HLCS: variants seen among roughly 807,000 people sequenced by gnomAD.
HLCS encodes the protein biotin--protein ligase.
Under a neutral mutation model 75.0 loss-of-function variants are expected in HLCS, and 53 were observed. The observed-to-expected ratio is 0.71, with a 90% CI of 0.57 to 0.89. HLCS has a LOEUF of 0.89. Among genes scored for constraint, HLCS ranks in the 40% least tolerant of loss-of-function variants. The pLI, the probability that HLCS is intolerant of heterozygous loss-of-function variation, is 0.00. For missense variants in HLCS, 966 were observed against 1,074.0 expected (o/e 0.90, Z 1.41); for synonymous variants, 431 against 428.6 (o/e 1.01, Z -0.07).
At chr21:36,787,453 G>T (rs1391447128) in intron 6 of HLCS, among the ~76,000 whole-genome samples, 2 of 152,190 alleles carry the variant, frequency 1.3e-5, no homozygotes, top group African/African-American at 4.8e-5. Context: ...CAATCTCCTT[G>T]TAGATAAAAC....
intron 6 of HLCS, among the ~76,000 whole-genome samples, chr21:36,892,762 C>G (rs888130561): frequency 6.6e-6 from 1 of 152,006 alleles, no homozygotes; most frequent in East Asian, 1.9e-4. Context: ...GAATGGTAGA[C>G]GGAGAAAAAG....
intron 6 of HLCS, among the ~76,000 whole-genome samples, chr21:36,848,297 T>C (rs1277606613): frequency 6.8e-6 from 1 of 146,140 alleles, no homozygotes; most frequent in Non-Finnish European, 1.5e-5. Flanking sequence ...TGAAACAGAG[T>C]CTAGCTCTGT....
At chr21:36,862,720 C>T (rs1427737880) in intron 6 of HLCS, among the ~76,000 whole-genome samples, 1 of 152,174 alleles carries the variant, frequency 6.6e-6, no homozygotes, top group Admixed American at 6.5e-5. Context: ...ACAGTCGGGG[C>T]CTGGGCCACC....
rs372732251 is a variant in HLCS at position 36,949,651 on chromosome 21, G to A, written c.331-10657C>T. Among the ~76,000 whole-genome samples, 288 of 152,296 alleles carry A rather than the reference G, an allele frequency of 1.9e-3. 12 individuals carry two copies. The South Asian group carries it at 0.058, about 31-fold the overall frequency. The stretch of plus-strand genomic sequence containing the variant: ...AAGAATTTGCAGCCATCTTCAATGC[G>A]CTGCAACAAGTTTGTGCCAGCAATT... On this transcript the variant is annotated intron_variant, in intron 2 of 10. Coordinates refer to ENST00000674895, the MANE Select transcript of HLCS (RefSeq NM_001352514.2).
rs537721015 is a variant in HLCS at position 36,758,354 on chromosome 21, C to T, written c.2236+1373G>A. 4.8e-4 allele frequency among the ~76,000 whole-genome samples: 73 copies of T among 152,254 alleles called. 3 individuals are homozygous for T. In the South Asian group the frequency reaches 0.015, roughly 31 times the overall value. ...ATCTCCTGGACTCAAGCAATCCACC[C>T]ACCTCAGGCTCCTGAAGTGCTGGGA... On this transcript the variant is annotated intron_variant, in intron 9 of 10. Coordinates refer to ENST00000674895, the MANE Select transcript of HLCS (RefSeq NM_001352514.2).
chr21:36,910,288 T>C (rs2065642922), intron 5 of HLCS, among the ~76,000 whole-genome samples: 1 of 152,226 alleles, frequency 6.6e-6, no homozygotes, highest in South Asian at 2.1e-4. Context: ...CTAATGCCTG[T>C]AATCCCGGCA....
chr21:36,871,162 G>A (rs1569126912), intron 6 of HLCS, among the ~76,000 whole-genome samples: 1 of 152,130 alleles, frequency 6.6e-6, no homozygotes, highest in South Asian at 2.1e-4. Context: ...TGTGAGAAAT[G>A]AAAACTTTAT....
chr21:36,768,234 T>C (rs2090112127), intron 6 of HLCS, among the ~76,000 whole-genome samples: 1 of 152,206 alleles, frequency 6.6e-6, no homozygotes, highest in Admixed American at 6.5e-5. Context: ...TTTTCTTTCT[T>C]GGAAGGAGGG....
chr21:36,951,127 C>CA (rs1601853002), intron 2 of HLCS, among the ~76,000 whole-genome samples: 1 of 152,202 alleles, frequency 6.6e-6, no homozygotes, highest in East Asian at 1.9e-4. Context: ...ATGTGATAAA[C>CA]AATGTGATTC....
intron 6 of HLCS, among the ~76,000 whole-genome samples, chr21:36,791,133 C>T (rs961848880): frequency 6.6e-6 from 1 of 152,004 alleles, no homozygotes; most frequent in African/African-American, 2.4e-5. Flanking sequence ...CAAAATAAAA[C>T]CTGCTCACCG....
At chr21:36,916,244 C>T (rs1185270150) in intron 5 of HLCS, among the ~76,000 whole-genome samples, 1 of 152,132 alleles carries the variant, frequency 6.6e-6, no homozygotes, top group Non-Finnish European at 1.5e-5. Context: ...GTGACATGAT[C>T]ATCAGTGGAA....
intron 6 of HLCS, among the ~76,000 whole-genome samples, chr21:36,799,931 C>G (rs1394911435): frequency 1.5e-4 from 23 of 152,162 alleles, no homozygotes; most frequent in Non-Finnish European, 3.1e-4. Context: ...TGTTTGTGGA[C>G]AACTAATAAG....
chr21:36,830,821 CAAAAAAAAAAAAA>C (rs34494258), intron 6 of HLCS, among the ~76,000 whole-genome samples: 2 of 62,006 alleles, frequency 3.2e-5, no homozygotes, highest in African/African-American at 6.3e-5. Context: ...GACCCTCTCT[CAAAAAAAAAAAAA>C]AAAAAAAAAA....
intron 5 of HLCS, among the ~76,000 whole-genome samples, chr21:36,899,209 A>T (rs1228180954): frequency 1.3e-5 from 2 of 152,214 alleles, no homozygotes; most frequent in Non-Finnish European, 2.9e-5. Context: ...ATAATTATTA[A>T]ATCTAGATGA....
At chr21:36,892,856 T>C (rs990423052) in intron 6 of HLCS, among the ~76,000 whole-genome samples, 1 of 152,174 alleles carries the variant, frequency 6.6e-6, no homozygotes, top group Non-Finnish European at 1.5e-5. Flanking sequence ...AGCTGCTCAA[T>C]TGCTGAAGAA....
intron 6 of HLCS, among the ~76,000 whole-genome samples, chr21:36,860,012 G>A (rs998559947): frequency 2.0e-5 from 3 of 152,206 alleles, no homozygotes; most frequent in African/African-American, 4.8e-5. Context: ...TTCATGCAGA[G>A]TCCACTCTAC....
At chr21:36,920,549 G>A (rs544484685) in intron 5 of HLCS, among the ~76,000 whole-genome samples, 1 of 152,162 alleles carries the variant, frequency 6.6e-6, no homozygotes, top group South Asian at 2.1e-4. Context: ...AAGGATAAAT[G>A]CTTGAGAAGA....
At chr21:36,790,827 G>A (rs1369504925) in intron 6 of HLCS, among the ~76,000 whole-genome samples, 1 of 152,210 alleles carries the variant, frequency 6.6e-6, no homozygotes, top group East Asian at 1.9e-4. Context: ...GGTTCTGGGA[G>A]CAGCTGATGG....
chr21:36,848,994 T>C (rs2062892641), intron 6 of HLCS, among the ~76,000 whole-genome samples: 1 of 152,094 alleles, frequency 6.6e-6, no homozygotes, highest in African/African-American at 2.4e-5. Context: ...GGCGAAGAAA[T>C]AAAAGGTCCA....
Sources: gnomAD v4.1 joint callset for allele counts (sites outside exome capture counted in the v4.1 genomes callset) on GRCh38, gnomAD v4.1.1 for gene constraint, MANE v1.5 for transcripts, NCBI Gene and HGNC (gene_info 2026-07-23, HGNC 2026-07-21) for gene names.